TENM2: variants seen among roughly 807,000 people sequenced by gnomAD.
TENM2 encodes teneurin-2.
Under a neutral mutation model 245.2 loss-of-function variants are expected in TENM2, and 52 were observed. That is an observed-to-expected ratio of 0.21 (90% CI 0.17 to 0.27). TENM2 has a LOEUF of 0.27. Ranked by LOEUF, TENM2 falls within the 10% of genes least tolerant of loss-of-function variation. The probability of loss-of-function intolerance (pLI) is 1.00; values close to 1 mark genes in which losing one functional copy is unlikely to be tolerated. For synonymous variants in TENM2, 1,363 were observed against 1,438.9 expected, an observed-to-expected ratio of 0.95 and a Z score of 1.19; for missense variants, 3,046 against 3,666.8, an observed-to-expected ratio of 0.83 and a Z score of 4.37.
chr5:168,160,405 G>A (rs1161040427), intron 12 of TENM2, among the ~76,000 whole-genome samples: 1 of 152,226 alleles, frequency 6.6e-6, no homozygotes, highest in Non-Finnish European at 1.5e-5. Flanking sequence ...GAGGTGTGTA[G>A]ACCAAACAAG....
At chr5:167,808,331 C>T (rs1446473213) in intron 2 of TENM2, among the ~76,000 whole-genome samples, 1 of 152,152 alleles carries the variant, frequency 6.6e-6, no homozygotes, top group Non-Finnish European at 1.5e-5. Context: ...ACAGTCTTGG[C>T]CCACTGAACT....
chr5:167,855,953 G>A (rs946829852), intron 2 of TENM2, among the ~76,000 whole-genome samples: 5 of 150,748 alleles, frequency 3.3e-5, no homozygotes, highest in Non-Finnish European at 7.4e-5. Flanking sequence ...AAGGGATGGA[G>A]GAAGGAGGGA....
intron 2 of TENM2, among the ~76,000 whole-genome samples, chr5:167,685,210 G>A (rs949644973): frequency 6.6e-6 from 1 of 152,184 alleles, no homozygotes; most frequent in Non-Finnish European, 1.5e-5. Flanking sequence ...TATAGTTTAA[G>A]GGAGAAAATG....
At chr5:167,558,646 T>C (rs1323201642) in intron 2 of TENM2, among the ~76,000 whole-genome samples, 1 of 152,174 alleles carries the variant, frequency 6.6e-6, no homozygotes, top group African/African-American at 2.4e-5. Context: ...GTCACTGTCT[T>C]CCATCACCCC....
chr5:167,861,114 A>G (rs1397226016), intron 2 of TENM2, among the ~76,000 whole-genome samples: 2 of 151,732 alleles, frequency 1.3e-5, no homozygotes, highest in South Asian at 2.1e-4. Flanking sequence ...ACCCCTAGCA[A>G]TCGCTCACTT....
At chr5:167,894,463 T>A (rs372806793) in intron 3 of TENM2, among the ~76,000 whole-genome samples, 1 of 56,520 alleles carries the variant, frequency 1.8e-5, no homozygotes, top group African/African-American at 3.6e-5. Context: ...CTCCCCACTC[T>A]GTGACTAGAC....
intron 2 of TENM2, among the ~76,000 whole-genome samples, chr5:167,711,150 C>A (rs994223168): frequency 6.6e-6 from 1 of 152,120 alleles, no homozygotes; most frequent in African/African-American, 2.4e-5. Flanking sequence ...GTATTCAAAT[C>A]CAAGTCTGAC....
At chr5:167,085,396 T>A in the TENM2 span, among the ~76,000 whole-genome samples, 2 of 152,220 alleles carry the variant, frequency 1.3e-5, no homozygotes, top group African/African-American at 4.8e-5. Flanking sequence ...TGTTAGAATA[T>A]TGTTAGGTAA....
chr5:167,952,831 C>T lies in TENM2; in HGVS notation c.947+9C>T. 2.6e-6 allele frequency: 4 copies of T among 1,550,256 alleles called. No homozygotes were observed. Among genetic ancestry groups the T allele is most frequent in the South Asian group, 2.4e-5 (2 of 84,054 alleles). ...GTGCCACTGGAGACCCGGTAAGTCC[C>T]CATCGCCAGCTCACAGTCACACTCA... is the stretch of plus-strand genomic sequence containing the variant. On this transcript the variant is annotated intron_variant, in intron 4 of 28. Transcript: ENST00000518659.
chr5:167,229,857 G>A, the TENM2 span, among the ~76,000 whole-genome samples: 1 of 152,224 alleles, frequency 6.6e-6, no homozygotes, highest in Non-Finnish European at 1.5e-5. Context: ...TGCTACAAGG[G>A]AGGGCAGGAT....
exon 29 of TENM2, chr5:168,262,491 A>C (rs368656543): frequency 1.0e-5 from 16 of 1,558,912 alleles, no homozygotes; most frequent in Non-Finnish European, 1.3e-5. Flanking sequence ...ACGAACATTG[A>C]GTTCCAGTAC....
At chr5:167,675,763 A>G (rs914301228) in intron 2 of TENM2, among the ~76,000 whole-genome samples, 1 of 152,126 alleles carries the variant, frequency 6.6e-6, no homozygotes, top group African/African-American at 2.4e-5. Flanking sequence ...GAGATCTGGT[A>G]CACGTCCAGA....
chr5:168,166,066 C>T (rs1430025342), intron 13 of TENM2: 4 of 152,088 alleles, frequency 2.6e-5, no homozygotes, highest in Non-Finnish European at 5.9e-5. Flanking sequence ...AGATTCAATC[C>T]TGCAGCACAC....
In TENM2 at chr5:167,776,914, G is replaced by A. The variant is rs562872405; in HGVS notation, c.503-99072G>A. ...TATCCATACCTAATTTGACAGCATT[G>A]TTTGTAGCAATTTGCATGCATTGAA... On this transcript the variant is annotated intron_variant, in intron 2 of 28. Coordinates refer to ENST00000518659, the Ensembl canonical transcript of TENM2. Among the ~76,000 whole-genome samples the A allele has an allele frequency of 2.6e-5, 4 of 152,182 alleles. No individual in the cohort carries two copies. In the South Asian group the frequency reaches 6.2e-4, roughly 24 times the overall value.
At chr5:167,083,079 A>G in the TENM2 span, among the ~76,000 whole-genome samples, 1 of 151,970 alleles carries the variant, frequency 6.6e-6, no homozygotes, top group South Asian at 2.1e-4. Context: ...ATTTACATAA[A>G]TAATTTGTGG....
At chr5:167,840,998 A>G (rs984933469) in intron 2 of TENM2, among the ~76,000 whole-genome samples, 1 of 152,078 alleles carries the variant, frequency 6.6e-6, no homozygotes, top group Admixed American at 6.6e-5. Context: ...ACCACATGCC[A>G]TCTAGGCAGG....
chr5:168,227,816 A>C, intron 24 of TENM2, 79 bp from the exon 27 acceptor site: 3 of 960,242 alleles, frequency 3.1e-6, no homozygotes, highest in Non-Finnish European at 4.6e-6. Context: ...ATTAAAAAAA[A>C]ATAGGGGTTC....
At chr5:167,391,493 CTTGTG>C (rs1355950254) in intron 2 of TENM2, among the ~76,000 whole-genome samples, 6 of 151,756 alleles carry the variant, frequency 4.0e-5, no homozygotes, top group Non-Finnish European at 8.8e-5. Flanking sequence ...AGTGTGGTGG[CTTGTG>C]CCTGTAATCA....
At chr5:166,996,350 A>G in the TENM2 span, among the ~76,000 whole-genome samples, 2 of 152,210 alleles carry the variant, frequency 1.3e-5, no homozygotes, top group Non-Finnish European at 2.9e-5. Flanking sequence ...CTCAAAAACA[A>G]AATAAAACCA....
Sources: gnomAD v4.1 joint callset for allele counts (sites outside exome capture counted in the v4.1 genomes callset) on GRCh38, gnomAD v4.1.1 for gene constraint, MANE v1.5 for transcripts, NCBI Gene and HGNC (gene_info 2026-07-23, HGNC 2026-07-21) for gene names.